The following ARHGEF18 variants were observed in gnomAD, a reference collection of about 807,000 sequenced individuals.
ARHGEF18 encodes rho guanine nucleotide exchange factor 18.
ARHGEF18 carries 93 observed loss-of-function variants against 155.7 expected under a neutral mutation model. That is an observed-to-expected ratio of 0.60 (90% CI 0.50 to 0.71). The LOEUF is 0.71. Among genes scored for constraint, ARHGEF18 ranks in the 30% least tolerant of loss-of-function variants. ARHGEF18 has a pLI of 0.00. For synonymous variants in ARHGEF18, 742 were observed against 753.1 expected, an observed-to-expected ratio of 0.99 and a Z score of 0.24; for missense variants, 1,593 against 1,816.1, an observed-to-expected ratio of 0.88 and a Z score of 2.23.
chr19:7,426,209 TG>T lies in ARHGEF18; in HGVS notation c.968-14132del, dbSNP rs1449151492. On this transcript the variant is annotated intron_variant, in intron 10 of 28. Coordinates refer to ENST00000668164, the MANE Select transcript of ARHGEF18 (RefSeq NM_001367823.1). Reference sequence around the variant, plus strand: ...AGAAAAAAAGCAGCAAAGAATAACCTGGGCGCGGTGGCTCATGCCTGTAATC... The same window carrying T: ...AGAAAAAAAGCAGCAAAGAATAACCTGGCGCGGTGGCTCATGCCTGTAATC... Among the ~76,000 whole-genome samples the T allele has an allele frequency of 1.5e-4, 22 of 151,490 alleles. 1 individual carries two copies. The highest frequency in any genetic ancestry group is 1.4e-3 in the Admixed American group (21 of 15,224).
At chr19:7,465,120 C>G (rs1976531122) in intron 23 of ARHGEF18, among the ~76,000 whole-genome samples, 1 of 152,224 alleles carries the variant, frequency 6.6e-6, no homozygotes, top group Admixed American at 6.5e-5. Context: ...GGCCAGTTGC[C>G]TCTGATCAGT....
chr19:7,451,104 C>A (rs1421546843), intron 15 of ARHGEF18, 45 bp from the exon 16 acceptor site: 3 of 1,571,290 alleles, frequency 1.9e-6, no homozygotes, highest in South Asian at 1.1e-5. Context: ...ATCTTGCTGT[C>A]CGTTTCTGAG....
In ARHGEF18 at chr19:7,383,070, C is replaced by T; in HGVS notation, c.834C>T (p.Ser278=). ...ACCTCTGTCCCATCCAGGGGAAGAG[C>T]CCAGCACATCTGAAGGACAAGGGCC... The part of the protein sequence containing the change: ...RVTRQKEKGK[S]PAHLKDKGQD... The change falls in exon 10 of 29, where the codon AGC becomes AGT. Residue 278 remains serine, a synonymous_variant. Transcript: ENST00000668164. The T allele has an allele frequency of 1.6e-6, 2 of 1,232,428 alleles. No homozygotes were observed. The highest frequency in any genetic ancestry group is 2.0e-6 in the Non-Finnish European group (2 of 988,180). 76.3% of individuals were successfully genotyped at this position (1,232,428 alleles called of 1,614,324 possible).
Position 7,427,180 on chromosome 19 carries a change from C to T in ARHGEF18, c.968-13164C>T, listed in dbSNP as rs75676794. Among the ~76,000 whole-genome samples the T allele has an allele frequency of 7.6e-4, 116 of 152,280 alleles. 1 individual carries two copies. In the East Asian group the frequency reaches 0.018, roughly 23 times the overall value. On this transcript the variant is annotated intron_variant, in intron 10 of 28. Transcript: ENST00000668164. ...CAGGATGTTTTAGGGCCCAATTCAC[C>T]GCAGGCTCCTGGAGAGCCCCCAGTG...
chr19:7,421,992 G>A (rs898893275), intron 10 of ARHGEF18, among the ~76,000 whole-genome samples: 2 of 151,954 alleles, frequency 1.3e-5, no homozygotes, highest in Middle Eastern at 3.4e-3. Context: ...TCCTCCATCC[G>A]TGCCCGTGTT....
chr19:7,385,529 G>A (rs1970964466), intron 10 of ARHGEF18, among the ~76,000 whole-genome samples: 1 of 150,480 alleles, frequency 6.6e-6, no homozygotes, highest in Admixed American at 6.6e-5. Flanking sequence ...AGGCTGGAGT[G>A]CAGTGGCACG....
chr19:7,419,253 G>A (rs1433490790), intron 10 of ARHGEF18, among the ~76,000 whole-genome samples: 2 of 118,286 alleles, frequency 1.7e-5, no homozygotes, highest in Non-Finnish European at 3.2e-5. Context: ...ACCCACACTC[G>A]GCCTCCGCAC....
At chr19:7,457,578 G>A (rs952401287) in intron 18 of ARHGEF18, among the ~76,000 whole-genome samples, 2 of 151,830 alleles carry the variant, frequency 1.3e-5, no homozygotes, top group Admixed American at 6.6e-5. Flanking sequence ...GGCCAGGCTG[G>A]TCTTGAACTC....
At position 7,466,985 on chromosome 19, in the gene ARHGEF18, G is replaced by A. The variant is rs1976664785; in HGVS notation, c.2961+11G>A. ...GTCCTGGAGTCGGAGGTAGGCGCCC[G>A]CGGGTCTCCATCTCCCCAGGGCCTT... On this transcript the variant is annotated intron_variant, in intron 24 of 28. Transcript: ENST00000668164. The A allele has an allele frequency of 6.2e-7, 1 of 1,613,344 alleles. No individual in the cohort carries two copies. Among genetic ancestry groups the A allele is most frequent in the Non-Finnish European group, 8.5e-7 (1 of 1,179,962 alleles).
chr19:7,448,314 G>T (rs1359218543), intron 15 of ARHGEF18, among the ~76,000 whole-genome samples: 1 of 152,102 alleles, frequency 6.6e-6, no homozygotes, highest in East Asian at 1.9e-4. Context: ...CAGAAGTTCA[G>T]TACCAGCCTG....
At chr19:7,452,901 A>C (rs923592646) in intron 16 of ARHGEF18, among the ~76,000 whole-genome samples, 1 of 152,050 alleles carries the variant, frequency 6.6e-6, no homozygotes, top group Middle Eastern at 3.4e-3. Context: ...ACCTAGGTAA[A>C]AATTCAGCTC....
chr19:7,453,813 C>A, intron 17 of ARHGEF18, 98 bp downstream of exon 17: 1 of 1,412,954 alleles, frequency 7.1e-7, no homozygotes. Context: ...GTGGCACCAT[C>A]TTGTATCAGT....
chr19:7,405,531 C>T (rs536053251), intron 10 of ARHGEF18, among the ~76,000 whole-genome samples: 2 of 152,312 alleles, frequency 1.3e-5, no homozygotes, highest in Non-Finnish European at 2.9e-5. Flanking sequence ...TCTTAGTGGA[C>T]GTGAATTTTG....
chr19:7,378,257 C>A, intron 5 of ARHGEF18, 137 bp from the exon 6 acceptor site: 1 of 534,350 alleles, frequency 1.9e-6, no homozygotes, highest in Non-Finnish European at 2.9e-6. Context: ...GTCTCTGTTG[C>A]CTGAGAGTAC....
intron 7 of ARHGEF18, among the ~76,000 whole-genome samples, chr19:7,380,244 C>T (rs1970661126): frequency 6.6e-6 from 1 of 151,708 alleles, no homozygotes; most frequent in Non-Finnish European, 1.5e-5. Context: ...TTTGGGAGGC[C>T]AAGGCGGGCG....
At chr19:7,459,337 C>A (rs567012321) in intron 19 of ARHGEF18, among the ~76,000 whole-genome samples, 1 of 152,186 alleles carries the variant, frequency 6.6e-6, no homozygotes, top group Admixed American at 6.5e-5. Context: ...CCTACCCCCT[C>A]GGCCTCCCAA....
At chr19:7,473,808 C>CAAA (rs35797777), downstream of ARHGEF18, among the ~76,000 whole-genome samples, 3 of 79,624 alleles carry the variant, frequency 3.8e-5, no homozygotes, top group Non-Finnish European at 6.9e-5. Context: ...GACTCCGTCT[C>CAAA]AAAAAAAAAA....
In ARHGEF18 at chr19:7,467,506, G is replaced by A. The variant is rs1232452284; in HGVS notation, c.3302G>A (p.Arg1101Gln). The A allele has an allele frequency of 2.1e-6, 3 of 1,431,694 alleles. No individual in the cohort carries two copies. The highest frequency in any genetic ancestry group is 1.4e-5 in the South Asian group (1 of 69,132). 88.7% of individuals were successfully genotyped at this position (1,431,694 alleles called of 1,614,324 possible). A position where few individuals can be genotyped will look rare whatever the true frequency, so the allele number is the denominator to read the frequency against. Residue 1101 changes from arginine (R) to glutamine (Q), a missense_variant, in exon 26 of 29, where the codon CGG becomes CAG. Transcript: ENST00000668164. ...GGCGAGGCGCGGCAGCTACGCGAGC[G>A]GCTGGAGCAGGAGCGGGCCGAGCTG... ...REGEARQLRE[R>Q]LEQERAELER...
chr19:7,363,480 G>C (rs1202139573), intron 2 of ARHGEF18, among the ~76,000 whole-genome samples: 1 of 151,564 alleles, frequency 6.6e-6, no homozygotes, highest in Non-Finnish European at 1.5e-5. Context: ...GAAGGAAGGA[G>C]AGATGGTTGA....
Sources: allele counts gnomAD v4.1 joint callset (sites outside exome capture counted in the v4.1 genomes callset), GRCh38; gene constraint gnomAD v4.1.1; transcripts MANE v1.5; gene names NCBI Gene and HGNC (gene_info 2026-07-23, HGNC 2026-07-21).